The following ASAH2 variants were observed in gnomAD, a reference collection of about 807,000 sequenced individuals.
ASAH2 encodes N-acylsphingosine amidohydrolase 2.
Under a neutral mutation model 82.9 loss-of-function variants are expected in ASAH2, and 58 were observed. That is an observed-to-expected ratio of 0.70 (90% CI 0.57 to 0.87). The LOEUF is 0.87. Ranked by LOEUF, ASAH2 falls within the 40% of genes least tolerant of loss-of-function variation. The pLI is 0.00. For synonymous variants in ASAH2, 276 were observed against 289.7 expected, an observed-to-expected ratio of 0.95 and a Z score of 0.48; for missense variants, 779 against 834.0, an observed-to-expected ratio of 0.93 and a Z score of 0.81.
At chr10:50,210,779 G>A (rs1845431763) in intron 12 of ASAH2, 44 bp downstream of exon 12, 2 of 1,428,134 alleles carry the variant, frequency 1.4e-6, no homozygotes, top group African/African-American at 1.4e-5. Flanking sequence ...GAACCCAGAA[G>A]CTTCAGAAGC....
chr10:50,232,761 G>A (rs1357475736), intron 7 of ASAH2, among the ~76,000 whole-genome samples: 4 of 152,052 alleles, frequency 2.6e-5, no homozygotes, highest in Non-Finnish European at 5.9e-5. Context: ...GGAAACACAG[G>A]TAAATAATCT....
chr10:50,200,667 C>A (rs1290351015), intron 16 of ASAH2, among the ~76,000 whole-genome samples: 1 of 152,002 alleles, frequency 6.6e-6, no homozygotes, highest in Non-Finnish European at 1.5e-5. Flanking sequence ...CCCCAGCTTC[C>A]AGTGATCTTG....
At chr10:50,250,448 G>A (rs1275242336) in intron 1 of ASAH2, among the ~76,000 whole-genome samples, 5 of 152,194 alleles carry the variant, frequency 3.3e-5, no homozygotes, top group Non-Finnish European at 4.4e-5. Context: ...CAAATGTGGA[G>A]CAAAACAAGT....
intron 1 of ASAH2, among the ~76,000 whole-genome samples, chr10:50,251,068 T>A (rs1460886075): frequency 6.6e-6 from 1 of 152,242 alleles, no homozygotes; most frequent in Non-Finnish European, 1.5e-5. Context: ...TCCCTGCCTT[T>A]AGAATGAAAC....
intron 12 of ASAH2, among the ~76,000 whole-genome samples, chr10:50,208,433 A>G (rs1358809538): frequency 6.6e-6 from 1 of 152,092 alleles, no homozygotes; most frequent in Non-Finnish European, 1.5e-5. Context: ...TTAAAATATT[A>G]GAACTAATAA....
chr10:50,212,533 T>C (rs1212643454), intron 10 of ASAH2, among the ~76,000 whole-genome samples: 1 of 152,188 alleles, frequency 6.6e-6, no homozygotes, highest in Non-Finnish European at 1.5e-5. Flanking sequence ...ACTGGAGTTC[T>C]ATGGCTCAGC....
chr10:50,210,705 C>T, intron 12 of ASAH2, 118 bp downstream of exon 12: 1 of 976,084 alleles, frequency 1.0e-6, no homozygotes, highest in Non-Finnish European at 1.7e-6. Flanking sequence ...CCTGGAAAAC[C>T]AGCAGACCCT....
intron 7 of ASAH2, among the ~76,000 whole-genome samples, chr10:50,228,595 GA>G (rs1379248838): frequency 2.0e-5 from 3 of 152,178 alleles, no homozygotes; most frequent in African/African-American, 7.2e-5. Context: ...GCACAAATAG[GA>G]TTTTTTTAAC....
chr10:50,234,581 T>A, intron 5 of ASAH2, 29 bp from the exon 6 acceptor site: 1 of 1,612,386 alleles, frequency 6.2e-7, no homozygotes, highest in Non-Finnish European at 8.5e-7. Flanking sequence ...GGGGATGTTA[T>A]AAGCTTAGAA....
intron 17 of ASAH2, chr10:50,198,223 T>G (rs1268529711): frequency 2.0e-5 from 3 of 151,890 alleles, no homozygotes; most frequent in Non-Finnish European, 2.9e-5. Flanking sequence ...TTGTTTCACA[T>G]TTTTTACTGA....
chr10:50,220,665 T>C (rs1200011949), intron 7 of ASAH2, among the ~76,000 whole-genome samples: 1 of 152,038 alleles, frequency 6.6e-6, no homozygotes, highest in African/African-American at 2.4e-5. Flanking sequence ...AAATAACTAA[T>C]GGGTACTAGG....
intron 12 of ASAH2, among the ~76,000 whole-genome samples, chr10:50,206,338 G>A (rs1845296607): frequency 6.6e-6 from 1 of 151,768 alleles, no homozygotes; most frequent in Non-Finnish European, 1.5e-5. Flanking sequence ...AGTATATTTT[G>A]TCAATGTCCT....
At chr10:50,199,263 A>C (rs1275711395) in intron 16 of ASAH2, 117 bp from the exon 17 acceptor site, 1 of 991,442 alleles carries the variant, frequency 1.0e-6, no homozygotes, top group African/African-American at 1.6e-5. Flanking sequence ...AAACTGGCAC[A>C]ATCTTCAAGA....
chr10:50,212,996 T>A lies in ASAH2; in HGVS notation c.1203A>T (p.Gly401=). 6.2e-6 allele frequency: 10 copies of A among 1,613,724 alleles called. No homozygotes were observed. Among genetic ancestry groups the A allele is most frequent in the Middle Eastern group, 1.7e-4 (1 of 6,056 alleles). The change falls in exon 10 of 21, where the codon GGA becomes GGT. Residue 401 remains glycine, a synonymous_variant. Coordinates refer to ENST00000682911, the MANE Select transcript of ASAH2 (RefSeq NM_019893.4). ...QDMFDSTQII[G]RAMYQRAKEL... The stretch of plus-strand genomic sequence containing the variant: ...CCTTTGCTCTCTGATACATGGCCCG[T>A]CCTATAATTTGTGTGCTGTCAAACA...
chr10:50,221,393 T>C (rs1415998888), intron 7 of ASAH2, among the ~76,000 whole-genome samples: 1 of 152,216 alleles, frequency 6.6e-6, no homozygotes, highest in African/African-American at 2.4e-5. Context: ...CAACACTGAA[T>C]ATTTCCATTA....
intron 18 of ASAH2, among the ~76,000 whole-genome samples, chr10:50,193,391 A>G (rs1306854411): frequency 2.0e-5 from 3 of 149,988 alleles, no homozygotes; most frequent in East Asian, 2.0e-4. Context: ...TCTTGAGTTT[A>G]TAGCACAGAG....
chr10:50,250,666 T>C (rs1846590381), intron 1 of ASAH2, among the ~76,000 whole-genome samples: 1 of 152,192 alleles, frequency 6.6e-6, no homozygotes, highest in African/African-American at 2.4e-5. Context: ...GACTGACAGC[T>C]GGACCTCCCA....
At chr10:50,234,695 C>T in intron 5 of ASAH2, 143 bp from the exon 6 acceptor site, 1 of 1,164,522 alleles carries the variant, frequency 8.6e-7, no homozygotes, top group South Asian at 1.3e-5. Context: ...GCTGGAGAAC[C>T]ACATCGCTGT....
intron 15 of ASAH2, 77 bp downstream of exon 15, chr10:50,203,563 A>T (rs1325304435): frequency 1.7e-6 from 2 of 1,208,784 alleles, no homozygotes; most frequent in Non-Finnish European, 2.5e-6. Flanking sequence ...CTCTAGATAT[A>T]GGATCATAGG....
Sources: allele counts gnomAD v4.1 joint callset (sites outside exome capture counted in the v4.1 genomes callset), GRCh38; gene constraint gnomAD v4.1.1; transcripts MANE v1.5; gene names NCBI Gene and HGNC (gene_info 2026-07-23, HGNC 2026-07-21).